TNKS: variants seen among roughly 807,000 people sequenced by gnomAD.
The protein encoded by TNKS is tankyrase, also known as poly [ADP-ribose] polymerase tankyrase-1.
In TNKS, 72 loss-of-function variants were observed where a neutral mutation model predicts 135.8. The ratio of observed to expected loss-of-function variants is 0.53; its 90% CI spans 0.44 to 0.64. The LOEUF (loss-of-function observed/expected upper bound fraction) is 0.64. TNKS is among the 30% of genes least tolerant of loss of function. The pLI is 0.00. For missense variants in TNKS, 1,769 were observed against 1,674.0 expected, an observed-to-expected ratio of 1.06 and a Z score of -0.99; for synonymous variants, 849 against 649.3, an observed-to-expected ratio of 1.31 and a Z score of -4.68.
intron 26 of TNKS, among the ~76,000 whole-genome samples, chr8:9,774,402 A>T (rs1320910066): frequency 6.6e-6 from 1 of 152,196 alleles, no homozygotes; most frequent in East Asian, 1.9e-4. Context: ...TTTGAATTCA[A>T]ATTTTAGTGT....
intron 2 of TNKS, among the ~76,000 whole-genome samples, chr8:9,595,040 G>T (rs562656218): frequency 7.2e-5 from 11 of 152,008 alleles, no homozygotes; most frequent in African/African-American, 2.4e-4. Context: ...ACTTGGTTTT[G>T]TTTCATTAAT....
intron 2 of TNKS, among the ~76,000 whole-genome samples, chr8:9,582,747 G>A (rs539399427): frequency 1.3e-5 from 2 of 152,338 alleles, no homozygotes; most frequent in East Asian, 3.9e-4. Context: ...TACATTCAGT[G>A]AATATTAATT....
In TNKS at chr8:9,747,777, A is replaced by G. The variant is rs144367805; in HGVS notation, c.2644-247A>G. On this transcript the variant is annotated intron_variant, in intron 17 of 26. Transcript: ENST00000310430. ...TATTAGAGGGATGCATTTTTTGAAA[A>G]AAAGCCCATGAACAGTTACAGGGTA... 4.6e-5 allele frequency among the ~76,000 whole-genome samples: 7 copies of G among 152,320 alleles called. No homozygotes were observed. The East Asian group carries it at 7.7e-4, about 17-fold the overall frequency.
chr8:9,596,955 A>G (rs1397760780), intron 2 of TNKS, among the ~76,000 whole-genome samples: 1 of 152,262 alleles, frequency 6.6e-6, no homozygotes, highest in Admixed American at 6.5e-5. Flanking sequence ...TGGGCTTATT[A>G]GGAAGAGGAC....
At chr8:9,574,994 C>G in intron 1 of TNKS, 1 of 967,950 alleles carries the variant, frequency 1.0e-6, no homozygotes, top group Admixed American at 6.3e-5. Flanking sequence ...TGGAAAGATT[C>G]TAAGGAGCTC....
intron 2 of TNKS, among the ~76,000 whole-genome samples, chr8:9,604,391 A>G (rs1053835899): frequency 3.3e-5 from 5 of 152,150 alleles, no homozygotes; most frequent in African/African-American, 1.2e-4. Context: ...CAAGAATAGG[A>G]ATATGGGGTT....
At chr8:9,562,849 T>C (rs1473697024) in intron 1 of TNKS, among the ~76,000 whole-genome samples, 1 of 152,056 alleles carries the variant, frequency 6.6e-6, no homozygotes, top group African/African-American at 2.4e-5. Context: ...CAAAGGATTT[T>C]TTTTTTCTCT....
Position 9,708,368 on chromosome 8 carries a change from C to G in TNKS, c.1457-3C>G, listed in dbSNP as rs1302161919. ...TTTATGTCAACCATTGTTTCATTGA[C>G]AGATGAATTTAAAGGTCATTCTTTA... On this transcript the variant is annotated splice_polypyrimidine_tract_variant and splice_region_variant and intron_variant, in intron 8 of 26. Coordinates refer to ENST00000310430, the MANE Select transcript of TNKS (RefSeq NM_003747.3). 6.3e-7 allele frequency: 1 copy of G among 1,575,722 alleles called. No individual in the cohort carries two copies. The highest frequency in any genetic ancestry group is 8.6e-7 in the Non-Finnish European group (1 of 1,161,314).
intron 1 of TNKS, 157 bp downstream of exon 1, chr8:9,556,769 T>G: frequency 1.4e-5 from 8 of 551,902 alleles, no homozygotes; most frequent in South Asian, 4.6e-5. Flanking sequence ...CTTTTGGTGG[T>G]GCCTGGGTGA....
At chr8:9,715,036 CG>C (rs1804536138) in intron 11 of TNKS, among the ~76,000 whole-genome samples, 1 of 151,890 alleles carries the variant, frequency 6.6e-6, no homozygotes, top group Admixed American at 6.6e-5. Context: ...GTTTATAGAG[CG>C]GTGGTGGGAA....
chr8:9,684,518 C>T (rs556888071), intron 5 of TNKS, among the ~76,000 whole-genome samples: 2 of 151,984 alleles, frequency 1.3e-5, no homozygotes, highest in Non-Finnish European at 2.9e-5. Flanking sequence ...CAAAATTATC[C>T]ATTCCTCATC....
At chr8:9,651,393 G>T (rs1046882866) in intron 3 of TNKS, among the ~76,000 whole-genome samples, 1 of 151,970 alleles carries the variant, frequency 6.6e-6, no homozygotes, top group Non-Finnish European at 1.5e-5. Flanking sequence ...GAATGCCATC[G>T]GTCAAAGACC....
intron 20 of TNKS, among the ~76,000 whole-genome samples, chr8:9,758,272 A>G (rs1308976974): frequency 6.6e-6 from 1 of 152,150 alleles, no homozygotes; most frequent in Non-Finnish European, 1.5e-5. Flanking sequence ...TGCAAGAATA[A>G]TGTATATTTA....
At chr8:9,584,477 T>C (rs560257247) in intron 2 of TNKS, among the ~76,000 whole-genome samples, 1 of 152,326 alleles carries the variant, frequency 6.6e-6, no homozygotes, top group East Asian at 1.9e-4. Context: ...GGCAGTGGCC[T>C]GGTCATAATG....
chr8:9,591,499 C>A (rs376623740), intron 2 of TNKS, among the ~76,000 whole-genome samples: 9 of 152,282 alleles, frequency 5.9e-5, no homozygotes, highest in African/African-American at 2.2e-4. Context: ...AAAGAAGCTG[C>A]GTTGCCCTAA....
chr8:9,577,171 T>G (rs1797982047), intron 1 of TNKS, among the ~76,000 whole-genome samples: 1 of 152,116 alleles, frequency 6.6e-6, no homozygotes, highest in Non-Finnish European at 1.5e-5. Context: ...GTCACGAGGA[T>G]TTTGGTTGAA....
intron 1 of TNKS, among the ~76,000 whole-genome samples, chr8:9,571,013 G>C (rs1206057405): frequency 1.3e-5 from 2 of 152,134 alleles, no homozygotes; most frequent in African/African-American, 4.8e-5. Flanking sequence ...AATGGAGGTA[G>C]ATTTTGTTTT....
rs186428908 is a variant in TNKS, at chr8:9,773,439, T to A, written c.3897+3177T>A. On this transcript the variant is annotated intron_variant, in intron 26 of 26. Transcript: ENST00000310430. ...CCATGTATTTTAAATATACTGTAAGTTATCTCTGATTCACCCACAACATAA... is the reference window on the plus strand; with the variant it reads ...CCATGTATTTTAAATATACTGTAAGATATCTCTGATTCACCCACAACATAA... Among the ~76,000 whole-genome samples, 155 of 152,276 alleles carry A rather than the reference T, an allele frequency of 1.0e-3. 1 individual carries two copies. The highest frequency in any genetic ancestry group is 8.8e-3 in the Admixed American group (135 of 15,288).
chr8:9,698,803 A>G (rs971495907), intron 5 of TNKS, among the ~76,000 whole-genome samples: 12 of 152,196 alleles, frequency 7.9e-5, no homozygotes, highest in African/African-American at 2.4e-4. Context: ...CCGCAAATCT[A>G]TATGAGAAAA....
Sources: allele counts gnomAD v4.1 joint callset (sites outside exome capture counted in the v4.1 genomes callset), GRCh38; gene constraint gnomAD v4.1.1; transcripts MANE v1.5; gene names NCBI Gene and HGNC (gene_info 2026-07-23, HGNC 2026-07-21).